CAPZB: variants seen among roughly 807,000 people sequenced by gnomAD.
CAPZB encodes the protein F-actin-capping protein subunit beta.
In CAPZB, 2 loss-of-function variants were observed where a neutral mutation model predicts 38.1. The observed-to-expected ratio is 0.05, with a 90% CI of 0.02 to 0.17. The LOEUF (loss-of-function observed/expected upper bound fraction) is 0.17. CAPZB is among the 10% of genes least tolerant of loss of function. CAPZB has a pLI of 1.00. For synonymous variants in CAPZB, 107 were observed against 127.4 expected (o/e 0.84, Z 1.08); for missense variants, 161 against 334.2 (o/e 0.48, Z 4.04).
rs955933979 is a variant in CAPZB, at chr1:19,338,855, T to A, written c.*675A>T. On this transcript the variant is annotated 3_prime_UTR_variant, in exon 9 of 9. Coordinates refer to ENST00000264202, the MANE Select transcript of CAPZB (RefSeq NM_004930.5). The stretch of plus-strand genomic sequence containing the variant: ...GGAGGCTCAAGTATAAGATGTAGAT[T>A]TTTTTCTTAAGCTTTACAAAAAAAC... The A allele has an allele frequency of 1.2e-4, 18 of 152,494 alleles. No homozygotes were observed. The highest frequency in any genetic ancestry group is 3.9e-4 in the African/African-American group (16 of 41,440). The allele number at this position is 152,494 out of a possible 1,614,324, so 9.4% of individuals were successfully genotyped here.
intron 1 of CAPZB, among the ~76,000 whole-genome samples, chr1:19,420,676 CT>C (rs1360952184): frequency 6.6e-6 from 1 of 152,064 alleles, no homozygotes; most frequent in Non-Finnish European, 1.5e-5. Flanking sequence ...AGCAGTCGAA[CT>C]GCCTTGGCCT....
intron 1 of CAPZB, among the ~76,000 whole-genome samples, chr1:19,476,321 G>C (rs981625443): frequency 1.3e-5 from 2 of 152,162 alleles, no homozygotes; most frequent in African/African-American, 4.8e-5. Context: ...GAGGCTGAAG[G>C]GGGAGGACTG....
chr1:19,339,714 G>A (rs2093917573), intron 8 of CAPZB, 97 bp from the exon 9 acceptor site: 1 of 903,294 alleles, frequency 1.1e-6, no homozygotes, highest in Non-Finnish European at 1.9e-6. Flanking sequence ...CTGATTTGCT[G>A]CATGGACCCG....
intron 1 of CAPZB, among the ~76,000 whole-genome samples, chr1:19,441,607 C>T (rs2094476688): frequency 6.6e-6 from 1 of 151,512 alleles, no homozygotes; most frequent in African/African-American, 2.4e-5. Context: ...AACTACGGAA[C>T]TGAAGAAGCA....
Position 19,371,051 on chromosome 1 carries a change from C to T in CAPZB, c.329+7489G>A, listed in dbSNP as rs184155988. On this transcript the variant is annotated intron_variant, in intron 4 of 8. Coordinates refer to ENST00000264202, the MANE Select transcript of CAPZB (RefSeq NM_004930.5). ...CAGGTTCTCATTAAGGACCTGGTGA[C>T]CGATCCCAAGGATTCTCTCTCCAGT... 1.8e-3 allele frequency among the ~76,000 whole-genome samples: 273 copies of T among 152,330 alleles called. 1 individual carries two copies. Among genetic ancestry groups the T allele is most frequent in the Non-Finnish European group, 3.1e-3 (212 of 68,026 alleles).
chr1:19,354,060 T>G (rs2094006812), intron 6 of CAPZB, among the ~76,000 whole-genome samples: 1 of 152,224 alleles, frequency 6.6e-6, no homozygotes, highest in African/African-American at 2.4e-5. Context: ...AAAACAGTTG[T>G]GGCATGGTAG....
At chr1:19,380,685 G>A (rs1570050614) in intron 3 of CAPZB, among the ~76,000 whole-genome samples, 2 of 152,294 alleles carry the variant, frequency 1.3e-5, no homozygotes, top group East Asian at 3.9e-4. Context: ...CTTACAATGT[G>A]ACCGGTATGA....
At chr1:19,472,590 A>C (rs2100784244) in intron 1 of CAPZB, among the ~76,000 whole-genome samples, 1 of 152,190 alleles carries the variant, frequency 6.6e-6, no homozygotes, top group Admixed American at 6.5e-5. Context: ...GGGCAGGACT[A>C]TGCAGTACCC....
chr1:19,360,847 A>G (rs1203477513), intron 4 of CAPZB, among the ~76,000 whole-genome samples: 2 of 152,178 alleles, frequency 1.3e-5, no homozygotes, highest in African/African-American at 4.8e-5. Context: ...TGCAAGCTCA[A>G]TTGTCACTCC....
At chr1:19,469,785 C>CACACAT (rs59891920) in intron 1 of CAPZB, among the ~76,000 whole-genome samples, 1 of 151,066 alleles carries the variant, frequency 6.6e-6, no homozygotes, top group African/African-American at 2.4e-5. Flanking sequence ...CACACACACA[C>CACACAT]GCCCGCCCAC....
At chr1:19,413,307 C>T (rs1005436636) in intron 2 of CAPZB, among the ~76,000 whole-genome samples, 1 of 152,218 alleles carries the variant, frequency 6.6e-6, no homozygotes, top group African/African-American at 2.4e-5. Flanking sequence ...TACCTTTTCA[C>T]TTACTTCAGC....
At chr1:19,428,645 C>T (rs2094431978) in intron 1 of CAPZB, among the ~76,000 whole-genome samples, 1 of 151,664 alleles carries the variant, frequency 6.6e-6, no homozygotes, top group Non-Finnish European at 1.5e-5. Flanking sequence ...TTTGACGATG[C>T]ATAATGAGGT....
chr1:19,347,873 C>T (rs978253491), intron 6 of CAPZB, among the ~76,000 whole-genome samples: 3 of 152,148 alleles, frequency 2.0e-5, no homozygotes, highest in Admixed American at 6.5e-5. Flanking sequence ...TGTTAGATTC[C>T]GACGCCTTTG....
chr1:19,437,783 T>C (rs144467521), intron 1 of CAPZB, among the ~76,000 whole-genome samples: 70 of 152,240 alleles, frequency 4.6e-4, no homozygotes, highest in African/African-American at 1.7e-3. Context: ...GTGGGAGAAC[T>C]TCATGACACA....
chr1:19,372,098 C>A (rs1436911205), intron 4 of CAPZB, among the ~76,000 whole-genome samples: 1 of 152,214 alleles, frequency 6.6e-6, no homozygotes, highest in East Asian at 1.9e-4. Context: ...ACAAGGAGGG[C>A]TGATTGGAAA....
At chr1:19,453,809 T>C (rs2094524382) in intron 1 of CAPZB, among the ~76,000 whole-genome samples, 1 of 152,236 alleles carries the variant, frequency 6.6e-6, no homozygotes, top group Non-Finnish European at 1.5e-5. Flanking sequence ...CCTTTTACTA[T>C]GTGAATAGTG....
At chr1:19,387,842 G>A (rs961287589) in intron 2 of CAPZB, among the ~76,000 whole-genome samples, 5 of 152,242 alleles carry the variant, frequency 3.3e-5, no homozygotes, top group South Asian at 2.1e-4. Flanking sequence ...AATGCATTCC[G>A]TGTTCAGGGC....
At chr1:19,373,413 C>G (rs1179055595) in intron 4 of CAPZB, among the ~76,000 whole-genome samples, 1 of 152,216 alleles carries the variant, frequency 6.6e-6, no homozygotes, top group Non-Finnish European at 1.5e-5. Context: ...ATTCCATGTG[C>G]TTATGATTAA....
intron 1 of CAPZB, among the ~76,000 whole-genome samples, chr1:19,423,564 G>A (rs1401056801): frequency 2.4e-5 from 3 of 127,324 alleles, no homozygotes; most frequent in East Asian, 2.4e-4. Flanking sequence ...TCACTCTGTC[G>A]CCCAGGCTGG....
Sources: allele counts gnomAD v4.1 joint callset (sites outside exome capture counted in the v4.1 genomes callset), GRCh38; gene constraint gnomAD v4.1.1; transcripts MANE v1.5; gene names NCBI Gene and HGNC (gene_info 2026-07-23, HGNC 2026-07-21).